USP4: variants seen among roughly 807,000 people sequenced by gnomAD.
USP4 encodes ubiquitin carboxyl-terminal hydrolase 4.
Under a neutral mutation model 118.2 loss-of-function variants are expected in USP4, and 72 were observed. The observed-to-expected ratio is 0.61, with a 90% CI of 0.50 to 0.74. The LOEUF (loss-of-function observed/expected upper bound fraction) is 0.74, where lower values mean the gene tolerates loss of function less well. Among genes scored for constraint, USP4 ranks in the 30% least tolerant of loss-of-function variants. The pLI is 0.00. For missense variants in USP4, 1,037 were observed against 1,185.7 expected, an observed-to-expected ratio of 0.87 and a Z score of 1.84; for synonymous variants, 415 against 440.4, an observed-to-expected ratio of 0.94 and a Z score of 0.72.
At chr3:49,295,736 C>CACACACA (rs1336643836) in intron 13 of USP4, among the ~76,000 whole-genome samples, 19 of 142,968 alleles carry the variant, frequency 1.3e-4, no homozygotes, top group African/African-American at 3.7e-4. Flanking sequence ...ACACACACAC[C>CACACACA]CCCCCCTCCC....
Position 49,324,972 on chromosome 3 carries a change from G to T in USP4, c.555C>A (p.Asn185Lys). The change falls in exon 5 of 22, where the codon AAC becomes AAA. Residue 185 changes from asparagine (N) to lysine (K), a missense_variant. Coordinates refer to ENST00000265560, the MANE Select transcript of USP4 (RefSeq NM_003363.4). ...GCTCGTAGGTGTTGCTCATGTATTT[G>T]TTCCAGAGCCGTGTTTCACGCTCCG... ...IPAERETRLW[N>K]KYMSNTYEQL... The T allele has an allele frequency of 6.2e-7, 1 of 1,614,002 alleles. No individual in the cohort carries two copies. Among genetic ancestry groups the T allele is most frequent in the Non-Finnish European group, 8.5e-7 (1 of 1,180,010 alleles).
At chr3:49,281,489 T>TACACACACACACAC (rs1275522608) in intron 19 of USP4, among the ~76,000 whole-genome samples, 2 of 109,082 alleles carry the variant, frequency 1.8e-5, no homozygotes, top group African/African-American at 6.7e-5. Context: ...TATATATATA[T>TACACACACACACAC]ATACACACAC....
At chr3:49,332,902 G>A (rs2047633457) in intron 2 of USP4, among the ~76,000 whole-genome samples, 1 of 151,244 alleles carries the variant, frequency 6.6e-6, no homozygotes, top group Non-Finnish European at 1.5e-5. Flanking sequence ...CGAGTGTGGT[G>A]GGGCCTGTAG....
At chr3:49,278,970 T>G (rs1293518968) in intron 20 of USP4, 68 bp from the exon 21 acceptor site, 1 of 1,075,372 alleles carries the variant, frequency 9.3e-7, no homozygotes, top group East Asian at 2.7e-5. Flanking sequence ...TTATTAGGCT[T>G]GCACTAAATA....
At position 49,327,717 on chromosome 3, in the gene USP4, C is replaced by T. The variant is rs1270888473; in HGVS notation, c.329G>A (p.Cys110Tyr). Reference sequence around the variant, plus strand: ...GACGATGGGTTGCTGGCCTTCTACACAGCCGTACCAGTTTAGTAGTTTATT... The same window carrying T: ...GACGATGGGTTGCTGGCCTTCTACATAGCCGTACCAGTTTAGTAGTTTATT... ...AWNKLLNWYG[C>Y]VEGQQPIVRK... Residue 110 changes from cysteine (C) to tyrosine (Y), a missense_variant, in exon 3 of 22, where the codon TGT becomes TAT. Physicochemically the swap from Cys to Tyr is radical, Grantham distance 194. Around this residue, in one of 3 missense-constraint regions of USP4, gnomAD observed 487 missense variants for 534.1 expected, o/e 0.91. Coordinates refer to ENST00000265560, the MANE Select transcript of USP4 (RefSeq NM_003363.4). 1 of 1,614,034 alleles carries T rather than the reference C, an allele frequency of 6.2e-7. No homozygotes were observed. The highest frequency in any genetic ancestry group is 1.6e-4 in the Middle Eastern group (1 of 6,082).
rs1441571465 is a variant in USP4 at position 49,287,889 on chromosome 3, G to GCTA, written c.1973-1565_1973-1564insTAG. Among the ~76,000 whole-genome samples the GCTA allele has an allele frequency of 2.6e-5, 4 of 152,138 alleles. No homozygotes were observed. In the East Asian group the frequency reaches 7.7e-4, roughly 29 times the overall value. ...TCTCTTAGGTGCAGGTACCATGCTA[G>GCTA]GTTCCAGGGCTCCATAAGGGGAGCA... On this transcript the variant is annotated intron_variant, in intron 15 of 21. Coordinates refer to ENST00000265560, the MANE Select transcript of USP4 (RefSeq NM_003363.4).
chr3:49,286,345 CA>C lies in USP4; in HGVS notation c.1973-21del, dbSNP rs1269180904. 1.9e-6 allele frequency: 3 copies of C among 1,607,324 alleles called. No homozygotes were observed. In the South Asian group the frequency reaches 3.3e-5, roughly 18 times the overall value. The stretch of plus-strand genomic sequence containing the variant: ...CTTCTCCTGGCACATAAATGGAAAA[CA>C]ATATGTATATAATTTCCTACCATTT... On this transcript the variant is annotated intron_variant, in intron 15 of 21. Transcript: ENST00000265560.
Position 49,324,768 on chromosome 3 carries a change from G to A in USP4, c.634-5C>T, listed in dbSNP as rs2047534179. 1 of 1,614,064 alleles carries A rather than the reference G, an allele frequency of 6.2e-7. No individual in the cohort carries two copies. Among genetic ancestry groups the A allele is most frequent in the South Asian group, 1.1e-5 (1 of 91,090 alleles). ...TTGAGGCTCAATTACTAGCACCTGA[G>A]TGAAAGGGGAAACCAAATGAGGAGA... On this transcript the variant is annotated splice_polypyrimidine_tract_variant and splice_region_variant and intron_variant, in intron 5 of 21. Transcript: ENST00000265560.
chr3:49,283,798 G>C (rs2047064475), intron 19 of USP4, among the ~76,000 whole-genome samples, 189 bp downstream of exon 19: 1 of 152,172 alleles, frequency 6.6e-6, no homozygotes, highest in East Asian at 1.9e-4. Context: ...TTCCACTGGA[G>C]AGTCTCTTCC....
At chr3:49,280,261 C>T (rs2047004458) in intron 20 of USP4, among the ~76,000 whole-genome samples, 1 of 151,332 alleles carries the variant, frequency 6.6e-6, no homozygotes, top group Non-Finnish European at 1.5e-5. Context: ...GAGAATCTGT[C>T]TCAAAAAAAG....
chr3:49,281,274 G>A (rs2047020729), intron 19 of USP4, among the ~76,000 whole-genome samples: 2 of 151,938 alleles, frequency 1.3e-5, no homozygotes, highest in East Asian at 1.9e-4. Context: ...GGCTAACACG[G>A]TGAAACCCTG....
At chr3:49,308,321 T>A (rs904902181) in intron 8 of USP4, among the ~76,000 whole-genome samples, 10 of 151,944 alleles carry the variant, frequency 6.6e-5, no homozygotes, top group Non-Finnish European at 1.5e-4. Context: ...TATTTATACT[T>A]TATTATATAT....
Position 49,339,986 on chromosome 3 carries a change from C to T in USP4, c.39G>A (p.Ala13=). The change falls in exon 1 of 22, where the codon GCG becomes GCA. Residue 13 remains alanine, a synonymous_variant. Coordinates refer to ENST00000265560, the MANE Select transcript of USP4 (RefSeq NM_003363.4). Reference sequence around the variant, plus strand: ...GTCCAAGCTCGGACTTCTGAGTCTCCGCATCCGGTCGCTCACGGCAGCCTC... The same window carrying T: ...GTCCAAGCTCGGACTTCTGAGTCTCTGCATCCGGTCGCTCACGGCAGCCTC... The part of the protein sequence containing the change: ...EGGGCRERPD[A]ETQKSELGPL... 1 of 1,611,664 alleles carries T rather than the reference C, an allele frequency of 6.2e-7. No individual in the cohort carries two copies. Among genetic ancestry groups the T allele is most frequent in the Non-Finnish European group, 8.5e-7 (1 of 1,179,848 alleles).
intron 4 of USP4, 64 bp from the exon 5 acceptor site, chr3:49,325,103 C>A: frequency 1.3e-6 from 2 of 1,566,520 alleles, no homozygotes; most frequent in South Asian, 2.3e-5. Context: ...ACAGCCATGG[C>A]AAACTAATGC....
chr3:49,306,217 T>G (rs1224871416), intron 8 of USP4, among the ~76,000 whole-genome samples: 2 of 151,792 alleles, frequency 1.3e-5, no homozygotes, highest in Non-Finnish European at 2.9e-5. Flanking sequence ...TTTGTTTTTT[T>G]TTTTTTTGAG....
Position 49,335,579 on chromosome 3 carries a change from C to T in USP4, c.119G>A (p.Arg40Gln), listed in dbSNP as rs374536677. ...ATACTTCTTCCACTGCTTGAACCACCGGCTGTCAATAAGATACCTAGAGAG... is the reference window on the plus strand; with the variant it reads ...ATACTTCTTCCACTGCTTGAACCACTGGCTGTCAATAAGATACCTAGAGAG... ...RGAQWYLIDS[R>Q]WFKQWKKYVG... The change falls in exon 2 of 22, where the codon CGG becomes CAG. Residue 40 changes from arginine (R) to glutamine (Q), a missense_variant. Physicochemically the swap from Arg to Gln is conservative, Grantham distance 43. This residue lies in a region of USP4 where 487 missense variants were observed against 534.1 expected (regional missense o/e 0.91). Transcript: ENST00000265560. 40 of 1,614,006 alleles carry T rather than the reference C, an allele frequency of 2.5e-5. No individual in the cohort carries two copies. Among genetic ancestry groups the T allele is most frequent in the African/African-American group, 5.3e-5 (4 of 74,930 alleles).
chr3:49,293,635 C>G (rs1039968955), intron 14 of USP4: 2 of 151,420 alleles, frequency 1.3e-5, no homozygotes, highest in African/African-American at 4.9e-5. Context: ...CGTGCCACTG[C>G]ATTCCAGCCT....
chr3:49,333,847 C>T (rs112702105), intron 2 of USP4, among the ~76,000 whole-genome samples: 10 of 152,118 alleles, frequency 6.6e-5, no homozygotes, highest in Admixed American at 2.6e-4. Context: ...TGGAGAAACC[C>T]CATCTCTACT....
intron 2 of USP4, among the ~76,000 whole-genome samples, chr3:49,330,318 T>C (rs568389369): frequency 3.4e-4 from 51 of 152,118 alleles, no homozygotes; most frequent in African/African-American, 1.2e-3. Flanking sequence ...ACTAGGTACA[T>C]TGCAATGGAG....
Sources: allele counts gnomAD v4.1 joint callset (sites outside exome capture counted in the v4.1 genomes callset), GRCh38; gene constraint gnomAD v4.1.1; regional missense constraint gnomAD v4.1.1; transcripts MANE v1.5; gene names NCBI Gene and HGNC (gene_info 2026-07-23, HGNC 2026-07-21).